The following ITGBL1 variants were observed in gnomAD, a reference collection of about 807,000 sequenced individuals.
ITGBL1 encodes integrin beta-like protein 1.
ITGBL1 carries 51 observed loss-of-function variants against 68.5 expected under a neutral mutation model. The observed-to-expected ratio is 0.74, with a 90% CI of 0.59 to 0.94. The LOEUF is 0.94. ITGBL1 is among the 40% of genes least tolerant of loss of function. ITGBL1 has a pLI of 0.00. For missense variants in ITGBL1, 649 were observed against 647.4 expected (o/e 1.00, Z -0.03); for synonymous variants, 209 against 227.3 (o/e 0.92, Z 0.72).
chr13:101,669,615 G>A (rs2139498865), intron 7 of ITGBL1, among the ~76,000 whole-genome samples: 1 of 152,026 alleles, frequency 6.6e-6, no homozygotes, highest in African/African-American at 2.4e-5. Context: ...CAGTTTTCTT[G>A]GATTATTGAT....
intron 2 of ITGBL1, among the ~76,000 whole-genome samples, chr13:101,514,667 C>T (rs2049167861): frequency 1.3e-5 from 2 of 152,020 alleles, no homozygotes; most frequent in Non-Finnish European, 2.9e-5. Flanking sequence ...GTCAACATCA[C>T]ATCTATTTAT....
chr13:101,498,379 GA>G (rs1217435863), intron 2 of ITGBL1, among the ~76,000 whole-genome samples: 1 of 152,134 alleles, frequency 6.6e-6, no homozygotes, highest in African/African-American at 2.4e-5. Flanking sequence ...ATTTGTCTTA[GA>G]GTAGAAATAT....
chr13:101,699,794 G>A (rs925276584), intron 8 of ITGBL1, among the ~76,000 whole-genome samples: 2 of 152,178 alleles, frequency 1.3e-5, no homozygotes, highest in African/African-American at 4.8e-5. Context: ...CCTCTTACAG[G>A]TCTAAGTGGC....
At chr13:101,547,122 G>A (rs2049839360) in intron 2 of ITGBL1, among the ~76,000 whole-genome samples, 1 of 148,678 alleles carries the variant, frequency 6.7e-6, no homozygotes, top group African/African-American at 2.5e-5. Context: ...TATCAGAAAT[G>A]TGTTTGTGTC....
At chr13:101,580,211 C>A (rs1456154766) in intron 5 of ITGBL1, among the ~76,000 whole-genome samples, 1 of 152,034 alleles carries the variant, frequency 6.6e-6, no homozygotes, top group Non-Finnish European at 1.5e-5. Context: ...AGCTGGAAAA[C>A]TTTTTTTCAT....
intron 2 of ITGBL1, among the ~76,000 whole-genome samples, chr13:101,488,531 C>A (rs1163174476): frequency 6.6e-6 from 1 of 152,206 alleles, no homozygotes; most frequent in Non-Finnish European, 1.5e-5. Flanking sequence ...AGCTGACTGT[C>A]AACTTTAACT....
intron 7 of ITGBL1, among the ~76,000 whole-genome samples, chr13:101,619,163 T>A (rs1448858079): frequency 2.0e-5 from 3 of 152,084 alleles, no homozygotes; most frequent in Non-Finnish European, 4.4e-5. Flanking sequence ...TATAACCAAA[T>A]GACAGCACAA....
At chr13:101,509,288 A>G (rs2049077105) in intron 2 of ITGBL1, among the ~76,000 whole-genome samples, 1 of 152,128 alleles carries the variant, frequency 6.6e-6, no homozygotes, top group Non-Finnish European at 1.5e-5. Flanking sequence ...ACCTGCCCCC[A>G]TAATTCAATC....
At position 101,527,527 on chromosome 13, in the gene ITGBL1, A is replaced by G. The variant is rs142488332; in HGVS notation, c.317-40172A>G. ...TATCATGAATAAAACTATGATGTAT[A>G]TTCATTCCTAAGTTTTCATGTAGGC... is the stretch of plus-strand genomic sequence containing the variant. On this transcript the variant is annotated intron_variant, in intron 2 of 10. Transcript: ENST00000376180. Among the ~76,000 whole-genome samples the G allele has an allele frequency of 1.9e-3, 284 of 152,196 alleles. 1 individual carries two copies. The highest frequency in any genetic ancestry group is 6.6e-3 in the African/African-American group (275 of 41,576).
At chr13:101,694,492 G>T (rs1331910274) in intron 8 of ITGBL1, among the ~76,000 whole-genome samples, 1 of 151,836 alleles carries the variant, frequency 6.6e-6, no homozygotes, top group Non-Finnish European at 1.5e-5. Context: ...GGTAGAAGCA[G>T]AGCTCACTGA....
rs1375975962 is a variant in ITGBL1, at chr13:101,579,194, A to G, written c.587-93A>G. ...GAATGTGGAGCTGTGACAGTATTTCAGAAGGCAAAAATGATCACAAAGAGA... is the reference window on the plus strand; with the variant it reads ...GAATGTGGAGCTGTGACAGTATTTCGGAAGGCAAAAATGATCACAAAGAGA... On this transcript the variant is annotated intron_variant, in intron 4 of 10. Coordinates refer to ENST00000376180, the MANE Select transcript of ITGBL1 (RefSeq NM_004791.3). 2.9e-6 allele frequency: 4 copies of G among 1,386,872 alleles called. No homozygotes were observed. The African/African-American group carries it at 5.7e-5, about 20-fold the overall frequency. The allele number at this position is 1,386,872 out of a possible 1,614,324, so 85.9% of individuals were successfully genotyped here. A position where few individuals can be genotyped will look rare whatever the true frequency, so the allele number is the denominator to read the frequency against.
intron 7 of ITGBL1, among the ~76,000 whole-genome samples, chr13:101,638,708 C>A (rs2032259415): frequency 6.6e-6 from 1 of 152,056 alleles, no homozygotes; most frequent in Non-Finnish European, 1.5e-5. Flanking sequence ...GGAAACCACC[C>A]CCATGATTCA....
intron 7 of ITGBL1, among the ~76,000 whole-genome samples, chr13:101,660,874 G>A (rs918745291): frequency 1.3e-5 from 2 of 152,130 alleles, no homozygotes; most frequent in African/African-American, 2.4e-5. Flanking sequence ...CAGGTGGTTG[G>A]GATGGGTAGG....
intron 7 of ITGBL1, among the ~76,000 whole-genome samples, chr13:101,649,961 G>C (rs918561991): frequency 6.6e-6 from 1 of 152,106 alleles, no homozygotes; most frequent in Admixed American, 6.5e-5. Context: ...ACCACCTTGA[G>C]TTATAACATG....
At chr13:101,629,901 C>A (rs1301519841) in intron 7 of ITGBL1, among the ~76,000 whole-genome samples, 1 of 152,152 alleles carries the variant, frequency 6.6e-6, no homozygotes, top group African/African-American at 2.4e-5. Context: ...CGGCTCACTG[C>A]AACCTCTGCA....
intron 2 of ITGBL1, among the ~76,000 whole-genome samples, chr13:101,479,584 T>TATA (rs2048586788): frequency 1.3e-5 from 2 of 151,194 alleles, no homozygotes; most frequent in South Asian, 4.2e-4. Context: ...ATATCAAGAA[T>TATA]ATATAAGAAG....
chr13:101,505,705 A>C (rs940424460), intron 2 of ITGBL1, among the ~76,000 whole-genome samples: 1 of 152,140 alleles, frequency 6.6e-6, no homozygotes, highest in African/African-American at 2.4e-5. Flanking sequence ...CCAGCCAATG[A>C]GCTTAAGGCT....
intron 2 of ITGBL1, among the ~76,000 whole-genome samples, chr13:101,464,073 TA>T (rs1297445195): frequency 1.3e-5 from 2 of 151,982 alleles, no homozygotes; most frequent in Non-Finnish European, 2.9e-5. Flanking sequence ...CACACCTGGC[TA>T]ATTTTTGTAT....
chr13:101,453,554 A>AT (rs2048193053), intron 1 of ITGBL1, among the ~76,000 whole-genome samples: 1 of 152,166 alleles, frequency 6.6e-6, no homozygotes, highest in Non-Finnish European at 1.5e-5. Context: ...ATTTAATCTA[A>AT]ATGTGCATAT....
Sources: allele counts gnomAD v4.1 joint callset (sites outside exome capture counted in the v4.1 genomes callset), GRCh38; gene constraint gnomAD v4.1.1; transcripts MANE v1.5; gene names NCBI Gene and HGNC (gene_info 2026-07-23, HGNC 2026-07-21).